PGCKA1: variants seen among roughly 807,000 people sequenced by gnomAD.
PGCKA1 encodes the protein PDCD10 and GCKIII kinases associated 1, also known as PDCD10 and GCKIII kinases-associated protein 1.
the PGCKA1 span, among the ~76,000 whole-genome samples, chr4:37,544,931 G>A: frequency 1.3e-5 from 2 of 151,526 alleles, no homozygotes; most frequent in Admixed American, 1.3e-4. Flanking sequence ...GATCTTGGGG[G>A]CACAACCTCT....
At chr4:37,565,370 A>G in the PGCKA1 span, among the ~76,000 whole-genome samples, 41 of 152,246 alleles carry the variant, frequency 2.7e-4, no homozygotes, top group East Asian at 7.5e-3. Flanking sequence ...ATCCTCATGT[A>G]GAAGGGGGGG....
At chr4:37,479,107 A>G in the PGCKA1 span, among the ~76,000 whole-genome samples, 1 of 152,242 alleles carries the variant, frequency 6.6e-6, no homozygotes, top group Non-Finnish European at 1.5e-5. Context: ...CCATCAAAAC[A>G]TTAAACAGGC....
the PGCKA1 span, among the ~76,000 whole-genome samples, chr4:37,502,278 C>T: frequency 2.6e-5 from 4 of 152,312 alleles, no homozygotes; most frequent in South Asian, 2.1e-4. Flanking sequence ...AAGCGGGTGC[C>T]GGGGGCCTGC....
At chr4:37,549,882 G>A in the PGCKA1 span, among the ~76,000 whole-genome samples, 1 of 152,122 alleles carries the variant, frequency 6.6e-6, no homozygotes, top group East Asian at 1.9e-4. Context: ...AAGCTGACTG[G>A]TCCACACAGG....
At chr4:37,506,946 T>C in the PGCKA1 span, among the ~76,000 whole-genome samples, 1 of 152,158 alleles carries the variant, frequency 6.6e-6, no homozygotes, top group Admixed American at 6.5e-5. Flanking sequence ...ATTTGCTTTA[T>C]ATATCTGGGT....
chr4:37,588,771 A>G, the PGCKA1 span: 40 of 1,018,974 alleles, frequency 3.9e-5, no homozygotes, highest in East Asian at 1.7e-4. Context: ...GTCTCTAGGG[A>G]AAAAAAAAGG....
At chr4:37,463,873 G>C in the PGCKA1 span, among the ~76,000 whole-genome samples, 1 of 149,936 alleles carries the variant, frequency 6.7e-6, no homozygotes, top group Non-Finnish European at 1.5e-5. Flanking sequence ...ACCCTTGACA[G>C]GCAATTGCCC....
chr4:37,537,886 C>T, the PGCKA1 span, among the ~76,000 whole-genome samples: 1 of 152,172 alleles, frequency 6.6e-6, no homozygotes, highest in African/African-American at 2.4e-5. Flanking sequence ...GAAGCTAGGA[C>T]ACTGGAATGC....
chr4:37,484,476 AG>A, the PGCKA1 span, among the ~76,000 whole-genome samples: 1 of 152,178 alleles, frequency 6.6e-6, no homozygotes, highest in Non-Finnish European at 1.5e-5. Flanking sequence ...ATTCAAGATG[AG>A]ATTTGGGTGA....
the PGCKA1 span, among the ~76,000 whole-genome samples, chr4:37,526,308 T>C: frequency 6.6e-6 from 1 of 152,204 alleles, no homozygotes; most frequent in East Asian, 1.9e-4. Context: ...TACATATAGG[T>C]CTAGAATCAA....
chr4:37,526,524 T>G, the PGCKA1 span, among the ~76,000 whole-genome samples: 15 of 152,188 alleles, frequency 9.9e-5, no homozygotes. Flanking sequence ...TTAAACTTCA[T>G]TGGGATAAGC....
At chr4:37,453,950 G>T in the PGCKA1 span, 1 of 154,842 alleles carries the variant, frequency 6.5e-6, no homozygotes, top group Non-Finnish European at 1.4e-5. Flanking sequence ...GCGCGGAGCC[G>T]CTAGCGTCTC....
At chr4:37,535,888 T>G in the PGCKA1 span, among the ~76,000 whole-genome samples, 18,413 of 152,230 alleles carry the variant, frequency 0.12, 1,272 homozygotes, top group Non-Finnish European at 0.16. Context: ...TACCAGTTGC[T>G]AGCTAGAGGA....
the PGCKA1 span, among the ~76,000 whole-genome samples, chr4:37,560,410 G>A: frequency 6.6e-6 from 1 of 152,184 alleles, no homozygotes; most frequent in Admixed American, 6.5e-5. Flanking sequence ...TGGGACCAGG[G>A]TAGTAACCCA....
the PGCKA1 span, among the ~76,000 whole-genome samples, chr4:37,581,718 G>A: frequency 7.9e-4 from 120 of 152,240 alleles, 1 homozygote; most frequent in Middle Eastern, 3.4e-3. This position sits in a 1 kb window ranked among gnomAD's most constrained non-coding sequence, Gnocchi z 4.4. Flanking sequence ...TTTGGGACAC[G>A]TGACACAGGT....
At chr4:37,464,374 A>G in the PGCKA1 span, among the ~76,000 whole-genome samples, 5 of 152,246 alleles carry the variant, frequency 3.3e-5, no homozygotes, top group East Asian at 7.7e-4. Context: ...CAGTTTCCTC[A>G]TCTGTAAAAC....
the PGCKA1 span, among the ~76,000 whole-genome samples, chr4:37,546,874 G>A: frequency 7.9e-5 from 12 of 152,378 alleles, no homozygotes; most frequent in African/African-American, 2.9e-4. Flanking sequence ...TGCAGTGGCT[G>A]AGCACCAGGA....
the PGCKA1 span, among the ~76,000 whole-genome samples, chr4:37,477,329 C>T: frequency 6.6e-6 from 1 of 152,094 alleles, no homozygotes; most frequent in Non-Finnish European, 1.5e-5. Context: ...CATTTATATG[C>T]AAGGTCAAGA....
chr4:37,475,906 C>T, the PGCKA1 span, among the ~76,000 whole-genome samples: 29 of 150,458 alleles, frequency 1.9e-4, no homozygotes, highest in Admixed American at 9.3e-4. Flanking sequence ...TCTTCAACTA[C>T]AAGGAAGAGA....
Sources: allele counts gnomAD v4.1 joint callset (sites outside exome capture counted in the v4.1 genomes callset), GRCh38; gene constraint gnomAD v4.1.1; non-coding constraint Gnocchi (gnomAD v3.1); transcripts MANE v1.5; gene names NCBI Gene and HGNC (gene_info 2026-07-23, HGNC 2026-07-21).